CALN1: variants seen among roughly 807,000 people sequenced by gnomAD.
CALN1 encodes the protein calneuron 1.
Under a neutral mutation model 30.6 loss-of-function variants are expected in CALN1, and 17 were observed. The ratio of observed to expected loss-of-function variants is 0.56; its 90% CI spans 0.38 to 0.83. CALN1 has a LOEUF of 0.83. CALN1 is among the 40% of genes least tolerant of loss of function. The pLI is 0.00. For synonymous variants in CALN1, 156 were observed against 131.4 expected, an observed-to-expected ratio of 1.19 and a Z score of -1.28; for missense variants, 291 against 354.9, an observed-to-expected ratio of 0.82 and a Z score of 1.45.
chr7:72,222,301 TG>T (rs1418598174), intron 3 of CALN1, among the ~76,000 whole-genome samples: 2 of 152,060 alleles, frequency 1.3e-5, no homozygotes, highest in African/African-American at 4.8e-5. Flanking sequence ...GAGCCTATAC[TG>T]GAAGTGTGAT....
chr7:71,972,634 A>T (rs1394238637), intron 5 of CALN1, among the ~76,000 whole-genome samples: 5 of 152,180 alleles, frequency 3.3e-5, no homozygotes, highest in Non-Finnish European at 5.9e-5. Flanking sequence ...GTGCAGAGAG[A>T]CAGCAATCAA....
At position 71,801,440 on chromosome 7, in the gene CALN1, C is replaced by CTATT. The variant is rs1472761183; in HGVS notation, c.658+8895_658+8896insAATA. 3.3e-4 allele frequency among the ~76,000 whole-genome samples: 49 copies of CTATT among 149,596 alleles called. 1 individual carries two copies. The highest frequency in any genetic ancestry group is 1.2e-3 in the African/African-American group (46 of 39,948). ...TGTATGTATGTATGTATCTATCTAT[C>CTATT]TATCTATCTATCTATCTATCTATCT... On this transcript the variant is annotated intron_variant, in intron 6 of 6. Coordinates refer to ENST00000395275, the MANE Select transcript of CALN1 (RefSeq NM_031468.4).
intron 5 of CALN1, among the ~76,000 whole-genome samples, chr7:71,840,485 TAAAAAAAAAA>T (rs61579583): frequency 1.2e-4 from 12 of 101,342 alleles, no homozygotes; most frequent in Non-Finnish European, 1.7e-4. Context: ...ATGCTCTCTT[TAAAAAAAAAA>T]AAAAAAAAAA....
Position 71,952,072 on chromosome 7 carries a change from G to T in CALN1, c.501+71585C>A, listed in dbSNP as rs12533894. ...GGATGTGAGTGAGTCTGCTTTCTGGGACATCTTCAAGAGAAACAGTTGCTA... is the reference window on the plus strand; with the variant it reads ...GGATGTGAGTGAGTCTGCTTTCTGGTACATCTTCAAGAGAAACAGTTGCTA... On this transcript the variant is annotated intron_variant, in intron 5 of 6. Coordinates refer to ENST00000395275, the MANE Select transcript of CALN1 (RefSeq NM_031468.4). Among the ~76,000 whole-genome samples, 1,412 of 152,258 alleles carry T rather than the reference G, an allele frequency of 9.3e-3. 60 individuals carry two copies. The highest frequency in any genetic ancestry group is 0.066 in the Admixed American group (1,016 of 15,280).
intron 2 of CALN1, among the ~76,000 whole-genome samples, chr7:72,372,785 A>T (rs1165156343): frequency 6.6e-6 from 1 of 152,178 alleles, no homozygotes; most frequent in Admixed American, 6.5e-5. Flanking sequence ...AAACCAAAAA[A>T]ATTCTACATT....
chr7:72,225,991 G>A (rs1179440565), intron 3 of CALN1, among the ~76,000 whole-genome samples: 3 of 151,662 alleles, frequency 2.0e-5, no homozygotes, highest in Non-Finnish European at 4.4e-5. Flanking sequence ...AGCTACTCGG[G>A]AGGCTGAGGC....
chr7:72,393,417 T>C (rs948232600), intron 2 of CALN1, among the ~76,000 whole-genome samples: 2 of 152,074 alleles, frequency 1.3e-5, no homozygotes, highest in Admixed American at 1.3e-4. Flanking sequence ...TGAGCCGAGA[T>C]CGCGCCACTG....
At chr7:72,292,851 CT>C (rs1272224236) in intron 2 of CALN1, among the ~76,000 whole-genome samples, 1 of 141,056 alleles carries the variant, frequency 7.1e-6, no homozygotes, top group Non-Finnish European at 1.5e-5. Context: ...CAACATATGA[CT>C]TTTGGAGAAA....
chr7:72,459,077 A>G, the CALN1 span, among the ~76,000 whole-genome samples: 3 of 133,034 alleles, frequency 2.3e-5, no homozygotes, highest in African/African-American at 8.8e-5. Flanking sequence ...ACTCCTGGCT[A>G]AATTTTGTAT....
rs112888645 is a variant in CALN1, at chr7:72,228,739, A to ATATTTATT, written c.244+49939_244+49946dup. Among the ~76,000 whole-genome samples the ATATTTATT allele has an allele frequency of 7.0e-4, 104 of 149,364 alleles. 1 individual carries two copies. The highest frequency in any genetic ancestry group is 1.3e-3 in the South Asian group (6 of 4,702). On this transcript the variant is annotated intron_variant, in intron 3 of 6. Coordinates refer to ENST00000395275, the MANE Select transcript of CALN1 (RefSeq NM_031468.4). Reference sequence around the variant, plus strand: ...CACAAGTGTTGGCTACCTTATTTATATATTTATTTATTTATTTATTTATTT... The same window carrying ATATTTATT: ...CACAAGTGTTGGCTACCTTATTTATATATTTATTTATTTATTTATTTATTTATTTATTT...
chr7:72,337,073 G>A (rs925008162), intron 2 of CALN1: 153 of 985,602 alleles, frequency 1.6e-4, no homozygotes, highest in Non-Finnish European at 1.8e-4. Flanking sequence ...CCCGCTGGCC[G>A]CGCGGGTTCA....
intron 3 of CALN1, among the ~76,000 whole-genome samples, chr7:72,187,522 C>G (rs541496394): frequency 3.3e-5 from 5 of 152,082 alleles, no homozygotes; most frequent in Non-Finnish European, 7.4e-5. Flanking sequence ...GTGAACTGCA[C>G]GTGCGAGGGA....
intron 6 of CALN1, among the ~76,000 whole-genome samples, chr7:71,809,544 T>C (rs891315659): frequency 6.6e-6 from 1 of 151,424 alleles, no homozygotes. Flanking sequence ...AAGTTGCTGA[T>C]AGCCTGCTAT....
At chr7:72,160,281 GTT>G (rs34825420) in intron 3 of CALN1, among the ~76,000 whole-genome samples, 107,041 of 146,986 alleles carry the variant, frequency 0.73, 38,950 homozygotes, top group East Asian at 0.94. Flanking sequence ...TTTCTTTTTA[GTT>G]TTTTTTTTTT....
intron 3 of CALN1, among the ~76,000 whole-genome samples, chr7:72,274,728 T>C (rs1406924588): frequency 3.9e-5 from 6 of 152,182 alleles, no homozygotes; most frequent in Non-Finnish European, 7.3e-5. Context: ...TTTCCTCTAC[T>C]ACCTAGAAGG....
chr7:71,852,971 CTT>C (rs1399158877), intron 5 of CALN1, among the ~76,000 whole-genome samples: 4 of 152,130 alleles, frequency 2.6e-5, no homozygotes, highest in African/African-American at 9.7e-5. Flanking sequence ...GCTTACGACT[CTT>C]TTCTCAGATA....
chr7:71,949,274 A>C (rs1467607540), intron 5 of CALN1, among the ~76,000 whole-genome samples: 1 of 152,108 alleles, frequency 6.6e-6, no homozygotes, highest in African/African-American at 2.4e-5. Flanking sequence ...TGACAGAACT[A>C]TCCTCTCCAT....
intron 2 of CALN1, among the ~76,000 whole-genome samples, chr7:72,356,266 A>C (rs941471321): frequency 5.3e-5 from 8 of 150,190 alleles, no homozygotes; most frequent in Admixed American, 5.3e-4. Flanking sequence ...TGGAAATACC[A>C]AATATGTAGG....
chr7:72,421,532 C>CA (rs1353804349), intron 1 of CALN1, among the ~76,000 whole-genome samples: 1 of 143,792 alleles, frequency 7.0e-6, no homozygotes, highest in Admixed American at 7.0e-5. Context: ...TATCTTATAA[C>CA]AGTCATCATA....
Sources: allele counts gnomAD v4.1 joint callset (sites outside exome capture counted in the v4.1 genomes callset), GRCh38; gene constraint gnomAD v4.1.1; transcripts MANE v1.5; gene names NCBI Gene and HGNC (gene_info 2026-07-23, HGNC 2026-07-21).